The following PTDSS2 variants were observed in gnomAD, a reference collection of about 807,000 sequenced individuals.
The protein encoded by PTDSS2 is phosphatidylserine synthase 2.
Under a neutral mutation model 64.7 loss-of-function variants are expected in PTDSS2, and 41 were observed. The ratio of observed to expected loss-of-function variants is 0.63; its 90% CI spans 0.49 to 0.82. The LOEUF is 0.82. Ranked by LOEUF, PTDSS2 falls within the 40% of genes least tolerant of loss-of-function variation. PTDSS2 has a pLI of 0.00. For missense variants in PTDSS2, 485 were observed against 650.0 expected (o/e 0.75, Z 2.76); for synonymous variants, 297 against 277.8 (o/e 1.07, Z -0.69).
chr11:456,684 A>G (rs1306963423), intron 1 of PTDSS2, among the ~76,000 whole-genome samples: 2 of 152,132 alleles, frequency 1.3e-5, no homozygotes, highest in Non-Finnish European at 2.9e-5. Flanking sequence ...TGTTCAGCAG[A>G]GGGTGAGTTT....
At chr11:451,665 G>A (rs1056281700) in intron 1 of PTDSS2, among the ~76,000 whole-genome samples, 2 of 152,208 alleles carry the variant, frequency 1.3e-5, no homozygotes, top group Non-Finnish European at 2.9e-5. Context: ...AAATCTGAGG[G>A]GCGAGGAGGG....
At chr11:478,983 A>T in intron 3 of PTDSS2, 102 bp from the exon 4 acceptor site, 1 of 883,218 alleles carries the variant, frequency 1.1e-6, no homozygotes, top group South Asian at 1.4e-5. Context: ...AAGGGCCCAG[A>T]AGAGACACTG....
chr11:489,468 C>T lies in PTDSS2; in HGVS notation c.923C>T (p.Ala308Val). 2 of 1,613,152 alleles carry T rather than the reference C, an allele frequency of 1.2e-6. No homozygotes were observed. The highest frequency in any genetic ancestry group is 1.3e-5 in the African/African-American group (1 of 75,042). ...TGGGTTCGCTTCGAGTGGAAGCCGG[C>T]CTCCAGCCTGCGTCGCTGGCTGGCC... ...YSWVRFEWKP[A>V]SSLRRWLAVC... is the part of the protein sequence containing the mutation. The change falls in exon 9 of 12, where the codon GCC becomes GTC. Residue 308 changes from alanine (A) to valine (V), a missense_variant. By Grantham distance (64) the Ala-to-Val change is moderately conservative (BLOSUM62 0). Around this residue, in one of 3 missense-constraint regions of PTDSS2, gnomAD observed 219 missense variants for 257.3 expected, o/e 0.85. Transcript: ENST00000308020.
chr11:487,729 T>G (rs1848458889), intron 6 of PTDSS2, among the ~76,000 whole-genome samples: 1 of 152,212 alleles, frequency 6.6e-6, no homozygotes. Context: ...CGCCCCTGCC[T>G]GGGCTTGGGC....
intron 2 of PTDSS2, among the ~76,000 whole-genome samples, chr11:471,941 ACG>A (rs1847469256): frequency 8.4e-6 from 1 of 118,810 alleles, no homozygotes; most frequent in African/African-American, 3.4e-5. Context: ...GCCTGGGGTG[ACG>A]TGGATGGCGG....
At chr11:459,093 AGGGGACACTCCGGT>A (rs1846742614) in intron 1 of PTDSS2, 2 of 114,964 alleles carry the variant, frequency 1.7e-5, no homozygotes, top group African/African-American at 6.7e-5. Flanking sequence ...GTTAGACGTG[AGGGGACACTCCGGT>A]GGATGTCGGA....
At chr11:449,749 T>C (rs896905401), upstream of PTDSS2, among the ~76,000 whole-genome samples, 1 of 151,990 alleles carries the variant, frequency 6.6e-6, no homozygotes, top group East Asian at 1.9e-4. Context: ...GAGTTCGAGA[T>C]TGGCCTGGCC....
At chr11:454,311 G>A (rs908432790) in intron 1 of PTDSS2, among the ~76,000 whole-genome samples, 5 of 152,136 alleles carry the variant, frequency 3.3e-5, no homozygotes, top group South Asian at 2.1e-4. Flanking sequence ...CTGGGCACTC[G>A]GTGGCCACCT....
At chr11:475,281 T>TATTCACGCTTTTGTGATACGGAC (rs1240800698) in intron 3 of PTDSS2, among the ~76,000 whole-genome samples, 7 of 151,524 alleles carry the variant, frequency 4.6e-5, no homozygotes, top group Admixed American at 1.3e-4. Context: ...GATACGGCCA[T>TATTCACGCTTTTGTGATACGGAC]ATTCACGCGT....
At position 450,332 on chromosome 11, in the gene PTDSS2, C is replaced by T. The variant is rs545531076; in HGVS notation, c.-124C>T. ...GGCCCCGCGCTGCTCTCCTAAGACC[C>T]CGCGGGCCAGCGCCGCGACCCCTTC... On this transcript the variant is annotated 5_prime_UTR_variant, in exon 1 of 12. Transcript: ENST00000308020. The T allele has an allele frequency of 3.4e-6, 3 of 872,762 alleles. No individual in the cohort carries two copies. Among genetic ancestry groups the T allele is most frequent in the East Asian group, 3.6e-5 (1 of 28,088 alleles). 54.1% of individuals were successfully genotyped at this position (872,762 alleles called of 1,614,324 possible). A position where few individuals can be genotyped will look rare whatever the true frequency, so the allele number is the denominator to read the frequency against.
At chr11:489,248 C>A (rs1472625856) in intron 8 of PTDSS2, 152 bp from the exon 9 acceptor site, 6 of 649,210 alleles carry the variant, frequency 9.2e-6, no homozygotes, top group South Asian at 7.5e-5. Context: ...GTCTGTGGCC[C>A]GATGGCACAG....
chr11:488,901 TG>T (rs1215461877), intron 8 of PTDSS2, among the ~76,000 whole-genome samples: 1 of 152,220 alleles, frequency 6.6e-6, no homozygotes, highest in African/African-American at 2.4e-5. Flanking sequence ...GCAGGGGCTG[TG>T]GGATCATTCC....
chr11:484,262 TTTTG>T (rs1272967351), intron 4 of PTDSS2, among the ~76,000 whole-genome samples: 17 of 152,264 alleles, frequency 1.1e-4, no homozygotes, highest in African/African-American at 4.1e-4. Flanking sequence ...TGGCTTTTCG[TTTTG>T]TTTTTCTGAG....
In PTDSS2 at chr11:470,108, G is replaced by A. The variant is rs887450129; in HGVS notation, c.285-3787G>A. ...GGAGCTGGCGTGAGCTCCCGGCACC[G>A]CTGTGCGCTGCGCGTGGTGACCTGA... On this transcript the variant is annotated intron_variant, in intron 2 of 11. Coordinates refer to ENST00000308020, the MANE Select transcript of PTDSS2 (RefSeq NM_030783.3). The surrounding 1 kb of genome is among the most constrained non-coding windows in gnomAD (Gnocchi z 5.3). Among the ~76,000 whole-genome samples the A allele has an allele frequency of 3.3e-5, 5 of 152,316 alleles. No homozygotes were observed. The South Asian group carries it at 6.2e-4, about 19-fold the overall frequency.
Position 479,225 on chromosome 11 carries a change from G to C in PTDSS2, c.435+73G>C. The C allele has an allele frequency of 7.8e-6, 10 of 1,288,370 alleles. No individual in the cohort carries two copies. Among genetic ancestry groups the C allele is most frequent in the Non-Finnish European group, 1.1e-5 (10 of 883,020 alleles). 79.8% of individuals were successfully genotyped at this position (1,288,370 alleles called of 1,614,324 possible). A position where few individuals can be genotyped will look rare whatever the true frequency, so the allele number is the denominator to read the frequency against. ...TGGCCCCAGGCATGGTGACAAAGGAGGCCTTGCCCACACAGCCCTCGAGTG... is the reference window on the plus strand; with the variant it reads ...TGGCCCCAGGCATGGTGACAAAGGACGCCTTGCCCACACAGCCCTCGAGTG... On this transcript the variant is annotated intron_variant, in intron 4 of 11. Coordinates refer to ENST00000308020, the MANE Select transcript of PTDSS2 (RefSeq NM_030783.3). This position sits in a 1 kb window ranked among gnomAD's most constrained non-coding sequence, Gnocchi z 4.2.
At chr11:467,342 T>TA (rs1847190281) in intron 2 of PTDSS2, among the ~76,000 whole-genome samples, 1 of 152,126 alleles carries the variant, frequency 6.6e-6, no homozygotes, top group Non-Finnish European at 1.5e-5. Context: ...ACGGAGCAGC[T>TA]AAAACCTTAA....
chr11:464,772 T>G (rs1189671974), intron 2 of PTDSS2, among the ~76,000 whole-genome samples: 2 of 152,208 alleles, frequency 1.3e-5, no homozygotes, highest in Admixed American at 1.3e-4. Context: ...CATTTTAAAC[T>G]TAGTAAATTA....
At chr11:457,130 A>C (rs541825550) in intron 1 of PTDSS2, among the ~76,000 whole-genome samples, 2 of 152,340 alleles carry the variant, frequency 1.3e-5, no homozygotes, top group African/African-American at 2.4e-5. Context: ...CCATCTGCAC[A>C]AAAAATACAG....
chr11:449,683 C>G (rs943700309), upstream of PTDSS2, among the ~76,000 whole-genome samples: 35 of 152,308 alleles, frequency 2.3e-4, no homozygotes, highest in Admixed American at 3.9e-4. Context: ...GGCGCGGTGG[C>G]TCGCGCCTGT....
Sources: gnomAD v4.1 joint callset for allele counts (sites outside exome capture counted in the v4.1 genomes callset) on GRCh38, gnomAD v4.1.1 for gene constraint, gnomAD v4.1.1 regional missense constraint, Gnocchi (gnomAD v3.1) non-coding constraint, MANE v1.5 for transcripts, NCBI Gene and HGNC (gene_info 2026-07-23, HGNC 2026-07-21) for gene names.